SLC35F4: variants seen among roughly 807,000 people sequenced by gnomAD.
SLC35F4 encodes solute carrier family 35 member F4, also known as chromosome 14 open reading frame 36.
SLC35F4 carries 24 observed loss-of-function variants against 44.2 expected under a neutral mutation model. That is an observed-to-expected ratio of 0.54 (90% confidence interval 0.39 to 0.76). SLC35F4 has a LOEUF of 0.76. Ranked by LOEUF, SLC35F4 falls within the 30% of genes least tolerant of loss-of-function variation. SLC35F4 has a pLI of 0.00. For missense variants in SLC35F4, 562 were observed against 586.1 expected, an observed-to-expected ratio of 0.96 and a Z score of 0.42; for synonymous variants, 238 against 223.6, an observed-to-expected ratio of 1.06 and a Z score of -0.57.
chr14:57,667,781 G>T (rs1183323742), intron 1 of SLC35F4, among the ~76,000 whole-genome samples: 1 of 151,592 alleles, frequency 6.6e-6, no homozygotes, highest in East Asian at 1.9e-4. Flanking sequence ...TGTGAATAGT[G>T]CCACAATAAA....
chr14:57,692,855 A>G (rs1185122006), intron 1 of SLC35F4, among the ~76,000 whole-genome samples: 1 of 152,154 alleles, frequency 6.6e-6, no homozygotes, highest in African/African-American at 2.4e-5. Context: ...ATTTGTGTGC[A>G]AATCTCTACC....
chr14:57,788,738 A>C (rs2077832602), intron 1 of SLC35F4, among the ~76,000 whole-genome samples: 1 of 152,182 alleles, frequency 6.6e-6, no homozygotes, highest in African/African-American at 2.4e-5. Flanking sequence ...CATAGCATTT[A>C]TTCTAAAATT....
At chr14:57,888,082 C>T (rs1417212763) in intron 1 of SLC35F4, among the ~76,000 whole-genome samples, 2 of 152,256 alleles carry the variant, frequency 1.3e-5, no homozygotes, top group South Asian at 2.1e-4. Flanking sequence ...AGAAGACCCA[C>T]TCTGCTTCAT....
chr14:57,938,771 C>G (rs767099866), intron 1 of SLC35F4, among the ~76,000 whole-genome samples: 21 of 152,074 alleles, frequency 1.4e-4, no homozygotes, highest in Non-Finnish European at 2.6e-4. Flanking sequence ...GTAAACCATG[C>G]TTTTAGCCGC....
chr14:57,965,398 T>A (rs1209989943), intron 1 of SLC35F4, among the ~76,000 whole-genome samples: 1 of 152,150 alleles, frequency 6.6e-6, no homozygotes, highest in African/African-American at 2.4e-5. Flanking sequence ...CCCACCCAGA[T>A]AACCCAGGAT....
intron 1 of SLC35F4, among the ~76,000 whole-genome samples, chr14:57,827,815 A>C (rs1210142000): frequency 6.6e-6 from 1 of 150,464 alleles, no homozygotes; most frequent in Non-Finnish European, 1.5e-5. Flanking sequence ...AAAAAAAAAA[A>C]AACAGTAAAT....
At chr14:57,952,434 G>T (rs1218546745) in intron 1 of SLC35F4, among the ~76,000 whole-genome samples, 1 of 152,078 alleles carries the variant, frequency 6.6e-6, no homozygotes, top group Non-Finnish European at 1.5e-5. Context: ...GATGGAGAAT[G>T]AGTTTGACTA....
chr14:57,569,483 T>G (rs1176664069), intron 6 of SLC35F4, among the ~76,000 whole-genome samples: 1 of 152,126 alleles, frequency 6.6e-6, no homozygotes, highest in Non-Finnish European at 1.5e-5. Flanking sequence ...CATTATAACA[T>G]GATACAGTGT....
chr14:57,928,041 G>T (rs991336736), intron 1 of SLC35F4, among the ~76,000 whole-genome samples: 1 of 151,188 alleles, frequency 6.6e-6, no homozygotes, highest in African/African-American at 2.4e-5. Context: ...GTTCTACTCT[G>T]GTGTAACACC....
intron 1 of SLC35F4, among the ~76,000 whole-genome samples, chr14:57,718,673 C>G (rs1338639804): frequency 6.6e-6 from 1 of 152,142 alleles, no homozygotes; most frequent in Non-Finnish European, 1.5e-5. Context: ...ATCTTTTGCC[C>G]ATTTTTAAAC....
At chr14:57,915,131 G>A (rs535890470) in intron 1 of SLC35F4, among the ~76,000 whole-genome samples, 12 of 152,234 alleles carry the variant, frequency 7.9e-5, no homozygotes, top group African/African-American at 2.6e-4. Flanking sequence ...GAGGCCACTC[G>A]AACCATAGCT....
intron 1 of SLC35F4, among the ~76,000 whole-genome samples, chr14:57,891,140 T>C (rs1446762248): frequency 6.6e-6 from 1 of 152,226 alleles, no homozygotes; most frequent in African/African-American, 2.4e-5. Context: ...CCATAGACTA[T>C]ATCTCCTGTT....
chr14:57,827,025 T>C (rs996516506), intron 1 of SLC35F4, among the ~76,000 whole-genome samples: 2 of 152,104 alleles, frequency 1.3e-5, no homozygotes, highest in African/African-American at 2.4e-5. Flanking sequence ...CCCAGAGGAA[T>C]AGAAATCATT....
intron 1 of SLC35F4, among the ~76,000 whole-genome samples, chr14:57,964,181 A>G (rs1890391248): frequency 6.6e-6 from 1 of 152,164 alleles, no homozygotes; most frequent in African/African-American, 2.4e-5. Flanking sequence ...GGAGGAGGAA[A>G]GAGCCATGAG....
At position 57,968,008 on chromosome 14, in the gene SLC35F4, G is replaced by A. The variant is rs192371929; in HGVS notation, n.282+13905C>T. Among the ~76,000 whole-genome samples, 164 of 152,232 alleles carry A rather than the reference G, an allele frequency of 1.1e-3. 1 individual carries two copies. Among genetic ancestry groups the A allele is most frequent in the Middle Eastern group, 3.4e-3 (1 of 294 alleles). ...GTCTGTTTTCTAAGAAAGGCAAAGG[G>A]CTTTAATAAAGCCAAGGACTTTGAC... On this transcript the variant is annotated intron_variant and non_coding_transcript_variant, in intron 1 of 1. Coordinates refer to the SLC35F4 transcript ENST00000556568.
intron 1 of SLC35F4, among the ~76,000 whole-genome samples, chr14:57,892,949 T>C (rs760353966): frequency 3.9e-5 from 6 of 152,244 alleles, no homozygotes; most frequent in African/African-American, 9.6e-5. Flanking sequence ...GAGTAGCTCT[T>C]ATTATAGGTT....
intron 1 of SLC35F4, among the ~76,000 whole-genome samples, chr14:57,821,753 C>G (rs1883198282): frequency 1.3e-5 from 2 of 152,276 alleles, no homozygotes; most frequent in South Asian, 4.2e-4. Flanking sequence ...AGTTGAAAGC[C>G]TGGTGCTGGT....
At chr14:57,799,740 A>G (rs2078145430) in intron 1 of SLC35F4, among the ~76,000 whole-genome samples, 1 of 151,930 alleles carries the variant, frequency 6.6e-6, no homozygotes, top group African/African-American at 2.4e-5. Flanking sequence ...GCCTTGCCAG[A>G]TCATGGTCAG....
At chr14:57,770,572 T>C (rs2077339342) in intron 1 of SLC35F4, among the ~76,000 whole-genome samples, 1 of 152,128 alleles carries the variant, frequency 6.6e-6, no homozygotes, top group Non-Finnish European at 1.5e-5. Context: ...GCTTAAACTC[T>C]TGGACTATTT....
Sources: allele counts gnomAD v4.1 joint callset (sites outside exome capture counted in the v4.1 genomes callset), GRCh38; gene constraint gnomAD v4.1.1; transcripts MANE v1.5; gene names NCBI Gene and HGNC (gene_info 2026-07-23, HGNC 2026-07-21).